The following KDR variants were observed in gnomAD, a reference collection of about 807,000 sequenced individuals.
KDR encodes the protein vascular endothelial growth factor receptor 2.
KDR carries 43 observed loss-of-function variants against 160.9 expected under a neutral mutation model. The ratio of observed to expected loss-of-function variants is 0.27; its 90% confidence interval spans 0.21 to 0.34. The LOEUF (loss-of-function observed/expected upper bound fraction) is 0.34, where lower values mean the gene tolerates loss of function less well. Among genes scored for constraint, KDR ranks in the 10% least tolerant of loss-of-function variants. The probability of loss-of-function intolerance (pLI) is 1.00; values close to 1 mark genes in which losing one functional copy is unlikely to be tolerated. For missense variants in KDR, 1,469 were observed against 1,666.4 expected, an observed-to-expected ratio of 0.88 and a Z score of 2.06; for synonymous variants, 617 against 600.1, an observed-to-expected ratio of 1.03 and a Z score of -0.41.
rs41354046 is a variant in KDR at position 55,078,484 on chromosome 4, A to G, written c.*1457T>C. ...TGCAACCTTGCAAAGGGATTCCTTC[A>G]AGTTTTTCAATGTTCTTTAATAAAA... On this transcript the variant is annotated 3_prime_UTR_variant, in exon 30 of 30. Coordinates refer to ENST00000263923, the MANE Select transcript of KDR (RefSeq NM_002253.4). 3.0e-3 allele frequency: 686 copies of G among 232,316 alleles called. 16 individuals carry two copies. The East Asian group carries it at 0.038, about 13-fold the overall frequency. The allele number at this position is 232,316 out of a possible 1,614,324, so 14.4% of individuals were successfully genotyped here. A position where few individuals can be genotyped will look rare whatever the true frequency, so the allele number is the denominator to read the frequency against.
chr4:55,096,331 G>A lies in KDR; in HGVS notation c.2626C>T (p.His876Tyr). 6.2e-7 allele frequency: 1 copy of A among 1,609,790 alleles called. No homozygotes were observed. Among genetic ancestry groups the A allele is most frequent in the Non-Finnish European group, 8.5e-7 (1 of 1,176,450 alleles). The change falls in exon 19 of 30, where the codon CAC becomes TAC. Residue 876 changes from histidine to tyrosine, a missense_variant. Around this residue, in one of 7 missense-constraint regions of KDR, gnomAD observed 151 missense variants for 207.2 expected, o/e 0.73. Transcript: ENST00000263923. ...AVKMLKEGATHSEHRALMSEL... is the reference protein window; with the variant it reads ...AVKMLKEGATYSEHRALMSEL... ...GACATGAGAGCTCGATGCTCACTGT[G>A]TGTTGCTCCTTCTACAAATACAGTA...
intron 17 of KDR, 114 bp downstream of exon 17, chr4:55,098,023 A>T: frequency 7.4e-7 from 1 of 1,359,678 alleles, no homozygotes; most frequent in Non-Finnish European, 1.0e-6. Flanking sequence ...AAATGGAATT[A>T]ATATTTCTAA....
chr4:55,106,027 C>T (rs1253978649), intron 11 of KDR, 87 bp from the exon 12 acceptor site: 2 of 840,636 alleles, frequency 2.4e-6, no homozygotes, highest in African/African-American at 1.7e-5. Flanking sequence ...CACAATCACT[C>T]CAACCTGCCT....
chr4:55,105,982 G>A (rs1720437890), intron 11 of KDR, 42 bp from the exon 12 acceptor site: 1 of 1,240,450 alleles, frequency 8.1e-7, no homozygotes, highest in African/African-American at 1.5e-5. Context: ...AAACAACGCG[G>A]CTGTTTGTGC....
At position 55,094,892 on chromosome 4, in the gene KDR, G is replaced by A. The variant is rs530419081; in HGVS notation, c.2881C>T (p.Arg961Trp). ...YVGAIPVDLK[R>W]RLDSITSSQS... ...CTACTGGTGATGCTGTCCAAGCGCC[G>A]TTTCAGATCCACAGGGATTGCTCCA... The change falls in exon 21 of 30, where the codon CGG becomes TGG. Residue 961 changes from arginine (R) to tryptophan (W), a missense_variant. Physicochemically the swap from Arg to Trp is moderately radical, Grantham distance 101 (BLOSUM62 -3). Around this residue, in one of 7 missense-constraint regions of KDR, gnomAD observed 151 missense variants for 207.2 expected, o/e 0.73. Coordinates refer to ENST00000263923, the MANE Select transcript of KDR (RefSeq NM_002253.4). 95 of 1,613,874 alleles carry A rather than the reference G, an allele frequency of 5.9e-5. No individual in the cohort carries two copies. The highest frequency in any genetic ancestry group is 2.1e-4 in the South Asian group (19 of 91,076).
intron 12 of KDR, 67 bp from the exon 13 acceptor site, chr4:55,105,051 G>A: frequency 7.8e-7 from 1 of 1,289,516 alleles, no homozygotes. Context: ...TCATCTTGCT[G>A]CTTTCAGACT....
In KDR at chr4:55,079,051, G is replaced by A. The variant is rs938580276; in HGVS notation, c.*890C>T. 6.0e-5 allele frequency: 14 copies of A among 233,198 alleles called. No homozygotes were observed. The highest frequency in any genetic ancestry group is 3.1e-4 in the African/African-American group (14 of 45,354). 14.4% of individuals were successfully genotyped at this position (233,198 alleles called of 1,614,324 possible). A position where few individuals can be genotyped will look rare whatever the true frequency, so the allele number is the denominator to read the frequency against. The stretch of plus-strand genomic sequence containing the variant: ...AGACATATCACATCAGGACAGATAT[G>A]AGGGTATTCATTCCAGAAGAAACCA... On this transcript the variant is annotated 3_prime_UTR_variant, in exon 30 of 30. Transcript: ENST00000263923.
intron 16 of KDR, 137 bp from the exon 17 acceptor site, chr4:55,098,409 A>C: frequency 9.5e-7 from 1 of 1,057,566 alleles, no homozygotes; most frequent in Non-Finnish European, 1.4e-6. Flanking sequence ...GAGTGGTCCT[A>C]TTATAACCCT....
At position 55,080,036 on chromosome 4, in the gene KDR, G is replaced by T. The variant is rs778737297; in HGVS notation, c.3976C>A (p.Leu1326Ile). The change falls in exon 30 of 30, where the codon CTT becomes ATT. Residue 1326 changes from leucine (L) to isoleucine (I), a missense_variant. This residue lies in a region of KDR where 229 missense variants were observed against 197.8 expected (regional missense o/e 1.16). Transcript: ENST00000263923. ...TTVYSSEEAE[L>I]LKLIEIGVQT... ...ACTCCAATCTCTATCAGCTTTAAAAGTTCTGCTTCCTCACTGGAGTACACG... is the reference window on the plus strand; with the variant it reads ...ACTCCAATCTCTATCAGCTTTAAAATTTCTGCTTCCTCACTGGAGTACACG... 5.0e-6 allele frequency: 8 copies of T among 1,614,176 alleles called. No homozygotes were observed. Among genetic ancestry groups the T allele is most frequent in the Middle Eastern group, 1.7e-4 (1 of 6,054 alleles).
Position 55,080,002 on chromosome 4 carries a change from C to T in KDR, c.4010G>A (p.Gly1337Asp), listed in dbSNP as rs763206832. Residue 1337 changes from glycine (G) to aspartate (D), a missense_variant, in exon 30 of 30, where the codon GGT becomes GAT. Transcript: ENST00000263923. ...AGGCTGGAGAATCTGGGCTGTGCTACCGGTTTGCACTCCAATCTCTATCAG... is the reference window on the plus strand; with the variant it reads ...AGGCTGGAGAATCTGGGCTGTGCTATCGGTTTGCACTCCAATCTCTATCAG... The part of the protein sequence containing the change: ...LKLIEIGVQT[G>D]STAQILQPDS... The T allele has an allele frequency of 2.5e-6, 4 of 1,614,042 alleles. No homozygotes were observed. The African/African-American group carries it at 4.0e-5, about 16-fold the overall frequency.
intron 5 of KDR, 82 bp from the exon 6 acceptor site, chr4:55,114,347 T>C (rs1356038026): frequency 6.9e-7 from 1 of 1,450,212 alleles, no homozygotes; most frequent in Non-Finnish European, 9.6e-7. Flanking sequence ...TTTAAAGTAA[T>C]GCAACTTTAA....
chr4:55,124,782 G>A (rs1244400623), intron 1 of KDR, among the ~76,000 whole-genome samples: 3 of 152,174 alleles, frequency 2.0e-5, no homozygotes, highest in Non-Finnish European at 2.9e-5. Flanking sequence ...TGTACCGTCC[G>A]ATCCGGGAGA....
intron 2 of KDR, 127 bp from the exon 3 acceptor site, chr4:55,118,927 G>A (rs564993952): frequency 1.0e-5 from 8 of 784,646 alleles, no homozygotes; most frequent in Admixed American, 4.1e-5. Flanking sequence ...GTCTTCTACC[G>A]GCCAGGCATG....
intron 9 of KDR, among the ~76,000 whole-genome samples, chr4:55,109,159 T>C (rs967862862): frequency 2.4e-4 from 36 of 152,068 alleles, no homozygotes; most frequent in African/African-American, 8.7e-4. Context: ...CTCGGCTATC[T>C]GCAACCTCCA....
intron 7 of KDR, among the ~76,000 whole-genome samples, chr4:55,111,909 T>C (rs1720593468): frequency 6.6e-6 from 1 of 152,234 alleles, no homozygotes; most frequent in Admixed American, 6.5e-5. Flanking sequence ...ATACTTGTTA[T>C]AGTTGTTGCC....
rs1719647716 is a variant in KDR at position 55,078,825 on chromosome 4, A to G, written c.*1116T>C. ...ATGTTATAATTTGGGCTATAAAATA[A>G]TTTTGAAGTCTGGCTAATAATCATT... On this transcript the variant is annotated 3_prime_UTR_variant, in exon 30 of 30. Transcript: ENST00000263923. 4.3e-6 allele frequency: 1 copy of G among 233,188 alleles called. No individual in the cohort carries two copies. Among genetic ancestry groups the G allele is most frequent in the Non-Finnish European group, 8.5e-6 (1 of 117,978 alleles). 14.4% of individuals were successfully genotyped at this position (233,188 alleles called of 1,614,324 possible).
Position 55,125,374 on chromosome 4 carries a change from G to A in KDR, c.-81C>T, listed in dbSNP as rs1402316200. On this transcript the variant is annotated 5_prime_UTR_variant, in exon 1 of 30. Transcript: ENST00000263923. The stretch of plus-strand genomic sequence containing the variant: ...AGCGCCTGTCTAGAGAAGGAGGCGC[G>A]GAGGTGGAACTCGCGGCACCCCGCA... The A allele has an allele frequency of 1.3e-6, 2 of 1,500,210 alleles. No homozygotes were observed. The highest frequency in any genetic ancestry group is 2.8e-5 in the African/African-American group (2 of 72,556). The allele number at this position is 1,500,210 out of a possible 1,614,324, so 92.9% of individuals were successfully genotyped here. A position where few individuals can be genotyped will look rare whatever the true frequency, so the allele number is the denominator to read the frequency against.
At chr4:55,112,922 T>C (rs1217323450) in intron 7 of KDR, among the ~76,000 whole-genome samples, 1 of 152,216 alleles carries the variant, frequency 6.6e-6, no homozygotes, top group African/African-American at 2.4e-5. Flanking sequence ...CAACTGTATA[T>C]TGCTAAATGT....
chr4:55,124,480 C>G (rs1264597307), intron 1 of KDR, among the ~76,000 whole-genome samples: 1 of 152,098 alleles, frequency 6.6e-6, no homozygotes, highest in Admixed American at 6.5e-5. Flanking sequence ...GTTTTCGGAG[C>G]TTGAACTTCT....
Sources: allele counts gnomAD v4.1 joint callset (sites outside exome capture counted in the v4.1 genomes callset), GRCh38; gene constraint gnomAD v4.1.1; regional missense constraint gnomAD v4.1.1; transcripts MANE v1.5; gene names NCBI Gene and HGNC (gene_info 2026-07-23, HGNC 2026-07-21).